ZNF804B: variants seen among roughly 807,000 people sequenced by gnomAD.
The protein encoded by ZNF804B is zinc finger 804B.
In ZNF804B, 80 loss-of-function variants were observed where a neutral mutation model predicts 101.4. The observed-to-expected ratio is 0.79, with a 90% CI of 0.66 to 0.95. ZNF804B has a LOEUF of 0.95. ZNF804B is among the 40% of genes least tolerant of loss of function. ZNF804B has a pLI of 0.00. For missense variants in ZNF804B, 1,673 were observed against 1,561.9 expected, an observed-to-expected ratio of 1.07 and a Z score of -1.20; for synonymous variants, 622 against 558.8, an observed-to-expected ratio of 1.11 and a Z score of -1.59.
intron 1 of ZNF804B, among the ~76,000 whole-genome samples, chr7:88,873,630 T>A (rs377249027): frequency 6.6e-6 from 1 of 152,236 alleles, no homozygotes; most frequent in African/African-American, 2.4e-5. Flanking sequence ...TTAATCCATC[T>A]TGAATTGATT....
At chr7:89,194,238 G>A (rs1486193938) in intron 1 of ZNF804B, among the ~76,000 whole-genome samples, 5 of 152,082 alleles carry the variant, frequency 3.3e-5, no homozygotes, top group East Asian at 3.9e-4. Context: ...AGTAGGTTGC[G>A]AAAATTTTCT....
At chr7:89,164,751 A>G (rs1050592830) in intron 1 of ZNF804B, among the ~76,000 whole-genome samples, 5 of 152,120 alleles carry the variant, frequency 3.3e-5, no homozygotes, top group African/African-American at 1.2e-4. Context: ...TATAATTTGG[A>G]TGTATTAGAT....
chr7:88,986,646 C>T (rs897712057), intron 1 of ZNF804B, among the ~76,000 whole-genome samples: 2 of 152,026 alleles, frequency 1.3e-5, no homozygotes, highest in African/African-American at 2.4e-5. Context: ...CTTTGTTTGG[C>T]GTGGCGCCTA....
chr7:89,241,364 T>C (rs892610981), intron 2 of ZNF804B, among the ~76,000 whole-genome samples: 4 of 152,060 alleles, frequency 2.6e-5, no homozygotes, highest in Non-Finnish European at 4.4e-5. Context: ...CTTTTTTCCT[T>C]CTCTGAACCA....
chr7:88,779,566 T>C (rs1790193234), intron 1 of ZNF804B, among the ~76,000 whole-genome samples: 1 of 152,176 alleles, frequency 6.6e-6, no homozygotes, highest in Admixed American at 6.5e-5. Context: ...TTTCACGTGT[T>C]GTCATATTTA....
chr7:89,336,115 G>T lies in ZNF804B; in HGVS notation c.3133G>T (p.Asp1045Tyr). The change falls in exon 4 of 4, where the codon GAT becomes TAT. Residue 1045 changes from aspartate to tyrosine, a missense_variant. Asp to Tyr is a radical substitution (Grantham distance 160, BLOSUM62 -3). Transcript: ENST00000333190. The stretch of plus-strand genomic sequence containing the variant: ...GTCTCAGTCACTAAACATAAAAAGG[G>T]ATGCAACAACAAAAGAACAATCAAA... ...TESQSLNIKR[D>Y]ATTKEQSKPL... 3.1e-6 allele frequency: 5 copies of T among 1,613,824 alleles called. No homozygotes were observed. Among genetic ancestry groups the T allele is most frequent in the Non-Finnish European group, 4.2e-6 (5 of 1,179,966 alleles).
At chr7:89,309,194 T>C (rs932449252) in intron 2 of ZNF804B, among the ~76,000 whole-genome samples, 3 of 152,048 alleles carry the variant, frequency 2.0e-5, no homozygotes, top group Admixed American at 2.0e-4. Context: ...TCTGTGTCCA[T>C]GTGTACCCAA....
intron 1 of ZNF804B, among the ~76,000 whole-genome samples, chr7:88,994,795 T>C (rs1793897242): frequency 6.6e-6 from 1 of 152,064 alleles, no homozygotes; most frequent in East Asian, 1.9e-4. Flanking sequence ...ATTTTTTATC[T>C]TATTCATTAA....
At position 89,333,534 on chromosome 7, in the gene ZNF804B, C is replaced by A. The variant is rs1484633568; in HGVS notation, c.552C>A (p.Thr184=). ...PRIISDKQRS[T]MPNRHQLQSD... Reference sequence around the variant, plus strand: ...TCATATCCGATAAACAGCGGTCCACCATGCCAAATCGACACCAATTACAAT... The same window carrying A: ...TCATATCCGATAAACAGCGGTCCACAATGCCAAATCGACACCAATTACAAT... Residue 184 remains threonine, a synonymous_variant, in exon 4 of 4, where the codon ACC becomes ACA. Coordinates refer to ENST00000333190, the MANE Select transcript of ZNF804B (RefSeq NM_181646.5). The A allele has an allele frequency of 2.5e-6, 4 of 1,613,448 alleles. No homozygotes were observed. The highest frequency in any genetic ancestry group is 3.4e-6 in the Non-Finnish European group (4 of 1,179,658).
chr7:89,276,509 T>A (rs1789983628), intron 2 of ZNF804B, among the ~76,000 whole-genome samples: 1 of 151,846 alleles, frequency 6.6e-6, no homozygotes, highest in Admixed American at 6.6e-5. Flanking sequence ...ATAATATGTG[T>A]TTATTTGGGA....
chr7:88,986,249 T>C (rs182452544), intron 1 of ZNF804B, among the ~76,000 whole-genome samples: 369 of 152,236 alleles, frequency 2.4e-3, no homozygotes, highest in African/African-American at 8.0e-3. Flanking sequence ...GTATTTATTC[T>C]CATACTTCCA....
chr7:89,216,867 C>A (rs1788903982), intron 1 of ZNF804B, among the ~76,000 whole-genome samples: 1 of 152,154 alleles, frequency 6.6e-6, no homozygotes, highest in African/African-American at 2.4e-5. Flanking sequence ...AAGATAAAAT[C>A]CATTCTTTAG....
chr7:89,321,585 C>T (rs1448788180), intron 2 of ZNF804B, among the ~76,000 whole-genome samples: 1 of 151,592 alleles, frequency 6.6e-6, no homozygotes. Flanking sequence ...AAAGATAAAA[C>T]AGAATTCTAC....
chr7:89,165,200 ATTCT>A (rs936745288), intron 1 of ZNF804B, among the ~76,000 whole-genome samples: 14 of 152,090 alleles, frequency 9.2e-5, no homozygotes, highest in African/African-American at 3.1e-4. Context: ...CTTTTCTGCC[ATTCT>A]TACAGTCTGA....
chr7:88,816,440 C>G (rs1240395483), intron 1 of ZNF804B, among the ~76,000 whole-genome samples: 2 of 152,140 alleles, frequency 1.3e-5, no homozygotes, highest in Non-Finnish European at 2.9e-5. Flanking sequence ...TCAGAGTGAA[C>G]AGGCAACCTA....
chr7:89,066,600 TA>T (rs555406655), intron 1 of ZNF804B, among the ~76,000 whole-genome samples: 1 of 152,118 alleles, frequency 6.6e-6, no homozygotes, highest in Non-Finnish European at 1.5e-5. Context: ...GGACTTTTTT[TA>T]AAAAAATTGT....
At chr7:88,997,054 A>G (rs544950303) in intron 1 of ZNF804B, among the ~76,000 whole-genome samples, 2 of 152,212 alleles carry the variant, frequency 1.3e-5, no homozygotes, top group Middle Eastern at 6.8e-3. Context: ...AAATATTTGC[A>G]TAATGCTTTT....
chr7:89,168,481 C>A (rs1258851511), intron 1 of ZNF804B, among the ~76,000 whole-genome samples: 1 of 152,002 alleles, frequency 6.6e-6, no homozygotes, highest in Non-Finnish European at 1.5e-5. Context: ...TGTTTAAGAG[C>A]AAACTTTATA....
At chr7:89,117,181 A>G (rs1191000810) in intron 1 of ZNF804B, among the ~76,000 whole-genome samples, 6 of 152,312 alleles carry the variant, frequency 3.9e-5, no homozygotes, top group South Asian at 2.1e-4. Flanking sequence ...GGTCCCTTTG[A>G]TAAGTCAATT....
Sources: allele counts gnomAD v4.1 joint callset (sites outside exome capture counted in the v4.1 genomes callset), GRCh38; gene constraint gnomAD v4.1.1; transcripts MANE v1.5; gene names NCBI Gene and HGNC (gene_info 2026-07-23, HGNC 2026-07-21).